PCDH15: variants seen among roughly 807,000 people sequenced by gnomAD.
PCDH15 encodes the protein protocadherin-15.
Under a neutral mutation model 178.5 loss-of-function variants are expected in PCDH15, and 129 were observed. The observed-to-expected ratio is 0.72, with a 90% confidence interval of 0.63 to 0.84. The LOEUF is 0.84. Ranked by LOEUF, PCDH15 falls within the 40% of genes least tolerant of loss-of-function variation. The pLI, the probability that PCDH15 is intolerant of heterozygous loss-of-function variation, is 0.00. For synonymous variants in PCDH15, 800 were observed against 732.0 expected, an observed-to-expected ratio of 1.09 and a Z score of -1.50; for missense variants, 2,230 against 2,099.9, an observed-to-expected ratio of 1.06 and a Z score of -1.21.
At chr10:54,095,079 A>G (rs1397438099) in intron 15 of PCDH15, among the ~76,000 whole-genome samples, 1 of 152,240 alleles carries the variant, frequency 6.6e-6, no homozygotes, top group Non-Finnish European at 1.5e-5. Context: ...CAGGACATTA[A>G]GACAAAGTAA....
At chr10:55,371,161 G>A (rs533140948) in intron 2 of PCDH15, among the ~76,000 whole-genome samples, 24 of 152,130 alleles carry the variant, frequency 1.6e-4, no homozygotes, top group Non-Finnish European at 2.9e-4. Flanking sequence ...ATAGAGATAC[G>A]GAGAGTATAG....
chr10:55,615,691 G>T (rs1211429296), intron 2 of PCDH15, among the ~76,000 whole-genome samples: 3 of 151,930 alleles, frequency 2.0e-5, no homozygotes, highest in African/African-American at 7.3e-5. Flanking sequence ...AACATAGTGG[G>T]ATTCTGCTTC....
chr10:54,558,841 T>G (rs933445114), intron 2 of PCDH15, among the ~76,000 whole-genome samples: 4 of 152,076 alleles, frequency 2.6e-5, no homozygotes, highest in African/African-American at 9.7e-5. Flanking sequence ...AAGACCCCAC[T>G]TCTATTTTTA....
chr10:54,363,876 A>T (rs895650976), intron 5 of PCDH15, among the ~76,000 whole-genome samples: 2 of 152,120 alleles, frequency 1.3e-5, no homozygotes, highest in Admixed American at 6.5e-5. Flanking sequence ...ACTTTTAAAA[A>T]TTTCATTTTT....
At chr10:55,574,840 T>G (rs555222529) in intron 2 of PCDH15, among the ~76,000 whole-genome samples, 2 of 152,102 alleles carry the variant, frequency 1.3e-5, no homozygotes, top group South Asian at 4.1e-4. Context: ...GGATAATAGT[T>G]TATCTATCTT....
At chr10:54,822,730 G>T (rs1002319211) in intron 3 of PCDH15, among the ~76,000 whole-genome samples, 3 of 151,780 alleles carry the variant, frequency 2.0e-5, no homozygotes, top group South Asian at 2.1e-4. Flanking sequence ...CATAGCAGCA[G>T]TACTACTTTA....
intron 20 of PCDH15, among the ~76,000 whole-genome samples, chr10:53,996,538 C>G (rs2091858984): frequency 6.6e-6 from 1 of 152,080 alleles, no homozygotes; most frequent in African/African-American, 2.4e-5. Flanking sequence ...AAAAAGATGT[C>G]CCTGTCTTTG....
At chr10:54,683,837 G>A (rs1228389452) in intron 1 of PCDH15, among the ~76,000 whole-genome samples, 1 of 151,924 alleles carries the variant, frequency 6.6e-6, no homozygotes, top group African/African-American at 2.4e-5. Flanking sequence ...CAATATTTTG[G>A]GCAGTTTTCT....
In PCDH15 at chr10:55,003,311, G is replaced by A. The variant is rs1839838645; in HGVS notation, c.-79-105811C>T. ...GTTAATGTTTGAGATTATGCCATTA[G>A]AAAGAAAATTTCTAGGACACAAATT... On this transcript the variant is annotated intron_variant, in intron 2 of 5. Transcript: ENST00000458638. Among the ~76,000 whole-genome samples, 3 of 152,124 alleles carry A rather than the reference G, an allele frequency of 2.0e-5. No individual in the cohort carries two copies. In the South Asian group the frequency reaches 6.2e-4, roughly 31 times the overall value.
intron 13 of PCDH15, among the ~76,000 whole-genome samples, chr10:54,168,404 C>T (rs11816112): frequency 0.93 from 133,206 of 142,844 alleles, 62,160 homozygotes; most frequent in East Asian, 1. Context: ...TTTCTACAGA[C>T]CCATCTGACC....
At chr10:54,452,484 A>C (rs771633084) in intron 3 of PCDH15, 4 of 152,078 alleles carry the variant, frequency 2.6e-5, no homozygotes, top group East Asian at 1.9e-4. Context: ...GAATTCTTCC[A>C]ATTTTAGTAT....
At chr10:54,795,550 C>G (rs1483513299) in intron 1 of PCDH15, among the ~76,000 whole-genome samples, 8 of 151,796 alleles carry the variant, frequency 5.3e-5, no homozygotes, top group Non-Finnish European at 1.2e-4. Flanking sequence ...ATATTCAGAG[C>G]AAATATGTAT....
At chr10:55,109,166 T>G (rs1837432570) in intron 2 of PCDH15, among the ~76,000 whole-genome samples, 1 of 152,216 alleles carries the variant, frequency 6.6e-6, no homozygotes, top group Non-Finnish European at 1.5e-5. Context: ...TAAGCTTCAT[T>G]CAGATTTATG....
At chr10:54,450,061 C>A (rs2076372459) in intron 3 of PCDH15, among the ~76,000 whole-genome samples, 1 of 150,316 alleles carries the variant, frequency 6.7e-6, no homozygotes, top group Non-Finnish European at 1.5e-5. Context: ...AAATAGAGAA[C>A]CTCTCGGGAA....
At chr10:54,816,504 A>T (rs188421847) in intron 3 of PCDH15, among the ~76,000 whole-genome samples, 167 of 152,186 alleles carry the variant, frequency 1.1e-3, no homozygotes, top group Admixed American at 2.2e-3. Flanking sequence ...GCTTGTTGCC[A>T]TGATGCCTTT....
At chr10:54,203,787 G>A in intron 10 of PCDH15, among the ~76,000 whole-genome samples, 1 of 152,086 alleles carries the variant, frequency 6.6e-6, no homozygotes. Context: ...GCTGCATATT[G>A]ATCTTTATAT....
intron 2 of PCDH15, among the ~76,000 whole-genome samples, chr10:54,907,924 C>T (rs1415077546): frequency 6.6e-6 from 1 of 152,148 alleles, no homozygotes; most frequent in Non-Finnish European, 1.5e-5. Flanking sequence ...AACCCTGGCC[C>T]CTCTTTCTGA....
intron 33 of PCDH15, among the ~76,000 whole-genome samples, chr10:53,819,786 A>G (rs555651130): frequency 5.3e-5 from 8 of 152,100 alleles, no homozygotes; most frequent in Non-Finnish European, 7.4e-5. Flanking sequence ...AAATAATACT[A>G]AAAGGTCTCA....
chr10:54,877,930 CTCTCTCTCTTTTTTTTTTTTTTTTTTTT>C (rs1431224831), intron 3 of PCDH15, among the ~76,000 whole-genome samples: 14 of 4,128 alleles, frequency 3.4e-3, no homozygotes, highest in East Asian at 0.015. Flanking sequence ...CTCTTTCTCT[CTCTCTCTCTTTTTTTTTTTTTTTTTTTT>C]TTTTTTTTTT....
Sources: allele counts gnomAD v4.1 joint callset (sites outside exome capture counted in the v4.1 genomes callset), GRCh38; gene constraint gnomAD v4.1.1; transcripts MANE v1.5; gene names NCBI Gene and HGNC (gene_info 2026-07-23, HGNC 2026-07-21).